UTY: variants seen among roughly 807,000 people sequenced by gnomAD.
UTY encodes the protein histone demethylase UTY.
UTY carries 12 observed loss-of-function variants against 32.5 expected under a neutral mutation model. The ratio of observed to expected loss-of-function variants is 0.37; its 90% CI spans 0.24 to 0.60. UTY has a LOEUF of 0.60. Among genes scored for constraint, UTY ranks in the 20% least tolerant of loss-of-function variants. UTY has a pLI of 0.69. For synonymous variants in UTY, 131 were observed against 103.4 expected, an observed-to-expected ratio of 1.27 and a Z score of -1.62; for missense variants, 303 against 299.2, an observed-to-expected ratio of 1.01 and a Z score of -0.09.
At chrY:13,478,461 G>C (rs2079315757) in intron 2 of UTY, among the ~76,000 whole-genome samples, 1 of 32,981 alleles carries the variant, frequency 3.0e-5, no homozygotes, top group Non-Finnish European at 7.4e-5. Context: ...ATGAAGCTAC[G>C]TCAGCGCTCT....
At chrY:13,472,496 T>C in intron 2 of UTY, among the ~76,000 whole-genome samples, 1 of 33,031 alleles carries the variant, frequency 3.0e-5, no homozygotes, top group South Asian at 6.5e-4. Flanking sequence ...AAAAACAGTA[T>C]GGAGATTTCT....
chrY:13,466,389 T>C (rs2077918047), intron 3 of UTY, among the ~76,000 whole-genome samples: 1 of 33,761 alleles, frequency 3.0e-5, no homozygotes, highest in Admixed American at 2.7e-4. Context: ...TTTCAAACTA[T>C]ACCAACACTT....
intron 6 of UTY, among the ~76,000 whole-genome samples, chrY:13,406,697 GTA>G (rs2070079193): frequency 3.5e-5 from 1 of 28,619 alleles, no homozygotes; most frequent in Admixed American, 3.4e-4. Flanking sequence ...GTATGTTTAT[GTA>G]TATATATATC....
intron 3 of UTY, among the ~76,000 whole-genome samples, chrY:13,469,210 T>C: frequency 3.2e-5 from 1 of 31,225 alleles, no homozygotes; most frequent in Non-Finnish European, 7.8e-5. Context: ...TCTCCACCTA[T>C]TGCTTTTTTT....
At chrY:13,352,507 G>C (rs945887529) in intron 17 of UTY, among the ~76,000 whole-genome samples, 1 of 32,645 alleles carries the variant, frequency 3.1e-5, no homozygotes, top group Non-Finnish European at 7.5e-5. Flanking sequence ...TGGGGTCTTG[G>C]TATGTTTTCC....
chrY:13,359,130 T>G lies in UTY; in HGVS notation c.1278A>C (p.Ala426=). The change falls in exon 13 of 30, where the codon GCA becomes GCC. Residue 426 remains alanine, a synonymous_variant. Transcript: ENST00000545955. ...TGGCACCCTGCCTGGAGGTAAGCTC[T>G]GCGGGGATTGGTAGGCTCCATGCCT... The part of the protein sequence containing the change: ...IEEAWSLPIP[A]ELTSRQGAMN... The G allele has an allele frequency of 2.5e-6, 1 of 393,100 alleles. No homozygotes were observed. The highest frequency in any genetic ancestry group is 6.5e-5 in the African/African-American group (1 of 15,396).
intron 4 of UTY, among the ~76,000 whole-genome samples, chrY:13,446,615 TAGATAGAC>T (rs2075876616): frequency 3.0e-4 from 4 of 13,460 alleles, no homozygotes; most frequent in Non-Finnish European, 5.1e-4. Flanking sequence ...GATAGATAGA[TAGATAGAC>T]AGACAGACAG....
intron 8 of UTY, among the ~76,000 whole-genome samples, chrY:13,387,960 G>A: frequency 2.9e-5 from 1 of 33,947 alleles, no homozygotes; most frequent in Non-Finnish European, 7.3e-5. Context: ...TTATACAATA[G>A]TTCTAAAATA....
intron 16 of UTY, 170 bp from the exon 17 acceptor site, chrY:13,355,568 C>T (rs762420704): frequency 8.9e-3 from 2,799 of 313,241 alleles, no homozygotes; most frequent in Non-Finnish European, 0.012. Context: ...GTAAAGAAAT[C>T]GGCCTTTATT....
At chrY:13,324,550 T>C in intron 20 of UTY, 51 bp downstream of exon 20, 2 of 325,909 alleles carry the variant, frequency 6.1e-6, no homozygotes, top group South Asian at 3.5e-5. Context: ...GTCAGTGTTA[T>C]AAAAGTTTAA....
At chrY:13,424,696 GAC>G (rs2073059672) in intron 4 of UTY, among the ~76,000 whole-genome samples, 1 of 32,692 alleles carries the variant, frequency 3.1e-5, no homozygotes, top group Non-Finnish European at 7.5e-5. Context: ...CTGCCTGGGC[GAC>G]AGAGAGAGAT....
Position 13,251,016 on chromosome Y carries a change from C to G in UTY, c.4308+1G>C. On this transcript the variant is annotated splice_donor_variant, in intron 29 of 29. Coordinates refer to ENST00000545955, the MANE Select transcript of UTY (RefSeq NM_001258249.2). LOFTEE classifies it high-confidence loss of function. ...AGTGTACTCACGTGTTAATGACTTA[C>G]TAGTGTAAATTGATCATAAACTTGG... 2.5e-6 allele frequency: 1 copy of G among 397,777 alleles called. No homozygotes were observed. Among genetic ancestry groups the G allele is most frequent in the Non-Finnish European group, 3.5e-6 (1 of 282,815 alleles).
chrY:13,355,408 CA>C lies in UTY; in HGVS notation c.1666-11del, dbSNP rs745668976. 2 of 396,260 alleles carry C rather than the reference CA, an allele frequency of 5.0e-6. No homozygotes were observed. Among genetic ancestry groups the C allele is most frequent in the Non-Finnish European group, 7.1e-6 (2 of 282,383 alleles). ...CTTCTTTGTGTCTCATCTTCAAAAA[CA>C]AAAAAGAAAAACTGCTGTGTAACTT... On this transcript the variant is annotated splice_polypyrimidine_tract_variant and intron_variant, in intron 16 of 29. Coordinates refer to ENST00000545955, the MANE Select transcript of UTY (RefSeq NM_001258249.2).
intron 17 of UTY, among the ~76,000 whole-genome samples, chrY:13,340,379 C>A: frequency 3.0e-5 from 1 of 32,930 alleles, no homozygotes; most frequent in Non-Finnish European, 7.5e-5. Context: ...CCCCCCCATG[C>A]ACCAATTTAT....
intron 17 of UTY, among the ~76,000 whole-genome samples, chrY:13,350,267 A>T (rs970416544): frequency 4.5e-4 from 15 of 33,609 alleles, no homozygotes; most frequent in African/African-American, 1.8e-3. Context: ...TGAAACAAAA[A>T]CCCAAACTGG....
intron 3 of UTY, among the ~76,000 whole-genome samples, chrY:13,451,613 AC>A (rs2076319544): frequency 3.0e-5 from 1 of 33,274 alleles, no homozygotes; most frequent in Non-Finnish European, 7.4e-5. Flanking sequence ...ATCCAGCAGG[AC>A]AGAAAACTTA....
At chrY:13,338,523 GA>G (rs2061284841) in intron 17 of UTY, among the ~76,000 whole-genome samples, 1 of 20,910 alleles carries the variant, frequency 4.8e-5, no homozygotes, top group Non-Finnish European at 1.1e-4. Context: ...TTCAAAAATG[GA>G]AAAAAAAAAA....
At chrY:13,325,035 T>C (rs2032669) in intron 19 of UTY, among the ~76,000 whole-genome samples, 5 of 33,865 alleles carry the variant, frequency 1.5e-4, no homozygotes, top group African/African-American at 2.3e-4. Context: ...TTTAAATTAG[T>C]TGAGTTGTTC....
intron 4 of UTY, among the ~76,000 whole-genome samples, chrY:13,437,237 G>T (rs2074693095): frequency 3.1e-5 from 1 of 32,710 alleles, no homozygotes; most frequent in Non-Finnish European, 7.5e-5. Context: ...TGGTTCCCGA[G>T]CTCTGCAAAT....
Sources: gnomAD v4.1 joint callset for allele counts (sites outside exome capture counted in the v4.1 genomes callset) on GRCh38, gnomAD v4.1.1 for gene constraint, MANE v1.5 for transcripts, NCBI Gene and HGNC (gene_info 2026-07-23, HGNC 2026-07-21) for gene names.